Variants in TMPRSS4 observed in about 807,000 individuals in gnomAD.
The protein encoded by TMPRSS4 is transmembrane serine protease 4.
TMPRSS4 carries 45 observed loss-of-function variants against 56.4 expected under a neutral mutation model. The observed-to-expected ratio is 0.80, with a 90% CI of 0.63 to 1.02. The LOEUF (loss-of-function observed/expected upper bound fraction) is 1.02. TMPRSS4 is among the 50% of genes least tolerant of loss of function. TMPRSS4 has a pLI of 0.00. For missense variants in TMPRSS4, 546 were observed against 556.7 expected (o/e 0.98, Z 0.19); for synonymous variants, 205 against 211.0 (o/e 0.97, Z 0.25).
rs1415935122 is a variant in TMPRSS4, at chr11:118,103,350, A to G, written c.310+97A>G. The G allele has an allele frequency of 1.2e-5, 16 of 1,339,256 alleles. No homozygotes were observed. The African/African-American group carries it at 1.9e-4, about 16-fold the overall frequency. 83.0% of individuals were successfully genotyped at this position (1,339,256 alleles called of 1,614,324 possible). ...GCATAGTATCTGCCCCCTACTTGTC[A>G]CTTTTCATCCTTGTTGTATAAGGTT... On this transcript the variant is annotated intron_variant, in intron 4 of 12. Transcript: ENST00000437212.
intron 1 of TMPRSS4, among the ~76,000 whole-genome samples, chr11:118,081,684 G>A (rs1228316107): frequency 6.6e-6 from 1 of 152,234 alleles, no homozygotes; most frequent in Non-Finnish European, 1.5e-5. Context: ...TCGCCCGCTG[G>A]TGCGGTTGAG....
chr11:118,096,958 A>G (rs11216745), intron 2 of TMPRSS4, among the ~76,000 whole-genome samples: 8,080 of 16,292 alleles, frequency 0.5, 3,068 homozygotes, highest in African/African-American at 0.57. Flanking sequence ...AAGGAAGGAA[A>G]GAAAGAAAGG....
At chr11:118,105,006 A>C (rs1045945623) in intron 5 of TMPRSS4, among the ~76,000 whole-genome samples, 186 bp downstream of exon 5, 1 of 152,168 alleles carries the variant, frequency 6.6e-6, no homozygotes, top group African/African-American at 2.4e-5. Flanking sequence ...CAGGTTCCTC[A>C]GGAGTTAATT....
At chr11:118,122,291 A>T (rs1448722551), downstream of TMPRSS4, among the ~76,000 whole-genome samples, 1 of 152,238 alleles carries the variant, frequency 6.6e-6, no homozygotes, top group African/African-American at 2.4e-5. Context: ...AGACATACAC[A>T]AAACACCAGG....
At chr11:118,110,335 A>C (rs937760294) in intron 7 of TMPRSS4, among the ~76,000 whole-genome samples, 1 of 132,852 alleles carries the variant, frequency 7.5e-6, no homozygotes, top group Admixed American at 7.9e-5. Flanking sequence ...AGAGAGCATT[A>C]GATTCTCTCT....
chr11:118,089,061 A>G (rs765564546), intron 1 of TMPRSS4, among the ~76,000 whole-genome samples: 94 of 152,122 alleles, frequency 6.2e-4, no homozygotes, highest in Non-Finnish European at 1.0e-3. Flanking sequence ...TTCTGGGCTC[A>G]GAGGAGATGC....
In TMPRSS4 at chr11:118,120,010, C is replaced by G. The variant is rs1171153488; in HGVS notation, c.*2097C>G. 1 of 152,224 alleles carries G rather than the reference C, an allele frequency of 6.6e-6. No homozygotes were observed. The highest frequency in any genetic ancestry group is 1.5e-5 in the Non-Finnish European group (1 of 68,058). The allele number at this position is 152,224 out of a possible 1,614,324, so 9.4% of individuals were successfully genotyped here. ...CCATCAAACAACTCTCCATTTCCCC[C>G]TCCTCCCAATCTCTGGCAACCACCA... On this transcript the variant is annotated 3_prime_UTR_variant, in exon 13 of 13. Transcript: ENST00000437212.
rs1565423781 is a variant in TMPRSS4, at chr11:118,097,024, GAAAGAAAGAAAAGGAAA to G, written c.44-1960_44-1944del. 2.6e-3 allele frequency among the ~76,000 whole-genome samples: 36 copies of G among 14,066 alleles called. 2 individuals are homozygous for G. Among genetic ancestry groups the G allele is most frequent in the African/African-American group, 0.013 (26 of 2,004 alleles). 9.2% of individuals were successfully genotyped at this position (14,066 alleles called of 152,430 possible). On this transcript the variant is annotated intron_variant, in intron 2 of 12. Coordinates refer to ENST00000437212, the MANE Select transcript of TMPRSS4 (RefSeq NM_019894.4). ...AGAAAGAAAGAAAGAAAGAAAGAAA[GAAAGAAAGAAAAGGAAA>G]GAAAGGAAAGGAAAGGAAAGGAAAG...
chr11:118,104,915 C>T (rs992851665), intron 5 of TMPRSS4, 95 bp downstream of exon 5: 9 of 1,348,396 alleles, frequency 6.7e-6, no homozygotes, highest in South Asian at 1.5e-5. Flanking sequence ...CTAAAAATTA[C>T]GGGCATTGGA....
intron 7 of TMPRSS4, among the ~76,000 whole-genome samples, chr11:118,110,562 G>A (rs548230966): frequency 1.7e-4 from 26 of 152,162 alleles, no homozygotes; most frequent in South Asian, 4.2e-4. Context: ...TAGTAGAGAC[G>A]GCGTTTCACC....
downstream of TMPRSS4, chr11:118,125,245 T>C (rs1947865471): frequency 4.4e-6 from 2 of 456,644 alleles, no homozygotes; most frequent in Non-Finnish European, 4.4e-6. Context: ...TAATGGAAGA[T>C]GGGAGACAGG....
At chr11:118,097,680 C>T (rs1946482870) in intron 2 of TMPRSS4, among the ~76,000 whole-genome samples, 1 of 152,160 alleles carries the variant, frequency 6.6e-6, no homozygotes, top group African/African-American at 2.4e-5. Context: ...TTATTATCAC[C>T]TCTGTTCTAG....
chr11:118,093,102 A>G (rs182647220), intron 1 of TMPRSS4, among the ~76,000 whole-genome samples: 4 of 152,320 alleles, frequency 2.6e-5, no homozygotes, highest in Non-Finnish European at 4.4e-5. Context: ...AAGGCCACCC[A>G]TGGCCTAGTG....
At chr11:118,088,312 A>C (rs1945721488) in intron 1 of TMPRSS4, 1 of 152,250 alleles carries the variant, frequency 6.6e-6, no homozygotes, top group Non-Finnish European at 1.5e-5. Flanking sequence ...TATGAAAGAA[A>C]GACATCGTAA....
chr11:118,112,341 C>G (rs79553175), intron 8 of TMPRSS4, among the ~76,000 whole-genome samples: 9,814 of 146,666 alleles, frequency 0.067, 874 homozygotes, highest in African/African-American at 0.2. Flanking sequence ...AGAAGCCTGG[C>G]CTTACCTCAG....
At chr11:118,115,849 A>G (rs1406366646) in intron 11 of TMPRSS4, among the ~76,000 whole-genome samples, 2 of 152,016 alleles carry the variant, frequency 1.3e-5, no homozygotes, top group East Asian at 3.9e-4. Context: ...CAAAGATGAC[A>G]TTACTCATCC....
chr11:118,093,827 A>ACC (rs773787174), intron 1 of TMPRSS4, among the ~76,000 whole-genome samples: 1 of 110,370 alleles, frequency 9.1e-6, no homozygotes, highest in South Asian at 3.6e-4. Context: ...TGCCCCCCCC[A>ACC]ATGGTAACCA....
chr11:118,097,051 G>GGAAAGGAAAGGAAAGGAAAGGAAAT (rs1946439016), intron 2 of TMPRSS4, among the ~76,000 whole-genome samples: 1 of 151,148 alleles, frequency 6.6e-6, no homozygotes, highest in Admixed American at 6.6e-5. Context: ...AGAAAGGAAA[G>GGAAAGGAAAGGAAAGGAAAGGAAAT]GAAAGGAAAG....
At chr11:118,103,851 T>C (rs988849648) in intron 4 of TMPRSS4, among the ~76,000 whole-genome samples, 1 of 152,250 alleles carries the variant, frequency 6.6e-6, no homozygotes, top group Admixed American at 6.5e-5. Flanking sequence ...GGCAGAGGGC[T>C]AGACTGGGTG....
Sources: gnomAD v4.1 joint callset for allele counts (sites outside exome capture counted in the v4.1 genomes callset) on GRCh38, gnomAD v4.1.1 for gene constraint, MANE v1.5 for transcripts, NCBI Gene and HGNC (gene_info 2026-07-23, HGNC 2026-07-21) for gene names.